The following SPINK1 variants were observed in gnomAD, a reference collection of about 807,000 sequenced individuals.
SPINK1 encodes serine peptidase inhibitor Kazal type 1.
In SPINK1, 5 loss-of-function variants were observed where a neutral mutation model predicts 9.5. That is an observed-to-expected ratio of 0.52 (90% CI 0.27 to 1.10). The LOEUF is 1.10. Ranked by LOEUF, SPINK1 falls within the 50% of genes least tolerant of loss-of-function variation. The pLI, the probability that SPINK1 is intolerant of heterozygous loss-of-function variation, is 0.11. For missense variants in SPINK1, 88 were observed against 92.7 expected (o/e 0.95, Z 0.21); for synonymous variants, 37 against 32.3 (o/e 1.14, Z -0.49).
chr5:147,832,081 T>A (rs985802070), upstream of SPINK1, among the ~76,000 whole-genome samples: 1 of 152,166 alleles, frequency 6.6e-6, no homozygotes, highest in Non-Finnish European at 1.5e-5. Context: ...TTTTCTCTAT[T>A]TTTCCCTCAC....
At chr5:147,834,322 G>A (rs1756559065), upstream of SPINK1, among the ~76,000 whole-genome samples, 3 of 152,020 alleles carry the variant, frequency 2.0e-5, no homozygotes, top group South Asian at 2.1e-4. Flanking sequence ...CGGTGCCTCC[G>A]GTTGAGTAGC....
At chr5:147,827,435 T>C (rs1756428304) in intron 3 of SPINK1, 1 of 152,704 alleles carries the variant, frequency 6.5e-6, no homozygotes, top group African/African-American at 2.4e-5. Context: ...TCTTCTGGCA[T>C]TTGCCCCAAG....
chr5:147,834,886 A>G (rs957823822), upstream of SPINK1, among the ~76,000 whole-genome samples: 1 of 152,172 alleles, frequency 6.6e-6, no homozygotes, highest in Non-Finnish European at 1.5e-5. Context: ...TTGTTAAAAA[A>G]TAAAACAGTC....
upstream of SPINK1, among the ~76,000 whole-genome samples, chr5:147,833,218 G>A (rs1756538885): frequency 6.6e-6 from 1 of 152,172 alleles, no homozygotes; most frequent in South Asian, 2.1e-4. Flanking sequence ...ACATCCAGGA[G>A]GACACTCTGG....
At chr5:147,837,038 A>G in the SPINK1 span, among the ~76,000 whole-genome samples, 1 of 152,192 alleles carries the variant, frequency 6.6e-6, no homozygotes, top group Non-Finnish European at 1.5e-5. Flanking sequence ...GTTCAAACCT[A>G]TGTGTAACTT....
upstream of SPINK1, among the ~76,000 whole-genome samples, chr5:147,836,628 A>T (rs1345425883): frequency 6.6e-6 from 1 of 152,182 alleles, no homozygotes; most frequent in African/African-American, 2.4e-5. Context: ...TGGGCATAGT[A>T]GACTTTAATA....
chr5:147,828,062 T>G lies in SPINK1; in HGVS notation c.154A>C (p.Asn52His). 2 of 1,613,648 alleles carry G rather than the reference T, an allele frequency of 1.2e-6. No individual in the cohort carries two copies. Among genetic ancestry groups the G allele is most frequent in the Non-Finnish European group, 1.7e-6 (2 of 1,179,880 alleles). The change falls in exon 3 of 4, where the codon AAT (asparagine) becomes CAT (histidine). Residue 52 changes from asparagine (N) to histidine (H), a missense_variant. Asn to His is a moderately conservative substitution (Grantham distance 68, BLOSUM62 1). Coordinates refer to ENST00000296695, the MANE Select transcript of SPINK1 (RefSeq NM_001379610.1). ...AACACGCATTCATTGGGATAAGTAT[T>G]TCCATCAGTCCCACAGACAGGGTCA... is the stretch of plus-strand genomic sequence containing the variant. ...IYDPVCGTDG[N>H]TYPNECVLCF...
At position 147,828,097 on chromosome 5, in the gene SPINK1, G is replaced by T; in HGVS notation, c.119C>A (p.Thr40Asn). The T allele has an allele frequency of 6.2e-7, 1 of 1,613,296 alleles. No homozygotes were observed. Among genetic ancestry groups the T allele is most frequent in the Non-Finnish European group, 8.5e-7 (1 of 1,179,748 alleles). The change falls in exon 3 of 4, where the codon ACC becomes AAC. Residue 40 changes from threonine to asparagine, a missense_variant. By Grantham distance (65) the Thr-to-Asn change is moderately conservative (BLOSUM62 0). Transcript: ENST00000296695. ...CCCACAGACAGGGTCATATATCTTG[G>T]TGCATCCATTAAGTTCATTGTAACA... Reference protein sequence around the residue: ...AKCYNELNGCTKIYDPVCGTD... With the variant: ...AKCYNELNGCNKIYDPVCGTD...
upstream of SPINK1, among the ~76,000 whole-genome samples, chr5:147,834,561 T>A (rs1207993381): frequency 6.6e-6 from 1 of 152,136 alleles, no homozygotes; most frequent in Non-Finnish European, 1.5e-5. Context: ...ATTATTTAAA[T>A]AGTAGTTTTG....
Position 147,824,594 on chromosome 5 carries a change from A to G in SPINK1, c.*67T>C. 1 of 1,465,612 alleles carries G rather than the reference A, an allele frequency of 6.8e-7. No homozygotes were observed. Among genetic ancestry groups the G allele is most frequent in the Non-Finnish European group, 9.6e-7 (1 of 1,045,856 alleles). 90.8% of individuals were successfully genotyped at this position (1,465,612 alleles called of 1,614,324 possible). On this transcript the variant is annotated 3_prime_UTR_variant, in exon 4 of 4. Transcript: ENST00000296695. Reference sequence around the variant, plus strand: ...TGGAAACAACAGGGGATATTCAGATACATTTATTCAACAATAAGGCCAGTC... The same window carrying G: ...TGGAAACAACAGGGGATATTCAGATGCATTTATTCAACAATAAGGCCAGTC...
In SPINK1 at chr5:147,831,456, T is replaced by C. The variant is rs954185843; in HGVS notation, c.55+67A>G. On this transcript the variant is annotated intron_variant, in intron 1 of 3. Coordinates refer to ENST00000296695, the MANE Select transcript of SPINK1 (RefSeq NM_001379610.1). The stretch of plus-strand genomic sequence containing the variant: ...TAGACTACATCAAAAGTCTAGAAGA[T>C]AATGTGCTTCACAAAGCAACAGGTC... The C allele has an allele frequency of 2.5e-6, 4 of 1,592,362 alleles. No individual in the cohort carries two copies. In the Admixed American group the frequency reaches 6.7e-5, roughly 27 times the overall value.
At position 147,827,963 on chromosome 5, in the gene SPINK1, C is replaced by T. The variant is rs557728169; in HGVS notation, c.194+59G>A. ...CGGGGTGAGATTCATATTATCAGTACACTTGAAGATAACTAACTTAAAATA... is the reference window on the plus strand; with the variant it reads ...CGGGGTGAGATTCATATTATCAGTATACTTGAAGATAACTAACTTAAAATA... On this transcript the variant is annotated intron_variant, in intron 3 of 3. Transcript: ENST00000296695. 2.3e-6 allele frequency: 3 copies of T among 1,306,354 alleles called. No individual in the cohort carries two copies. In the South Asian group the frequency reaches 3.8e-5, roughly 16 times the overall value. 80.9% of individuals were successfully genotyped at this position (1,306,354 alleles called of 1,614,324 possible).
upstream of SPINK1, among the ~76,000 whole-genome samples, chr5:147,836,194 G>A (rs542975472): frequency 6.6e-6 from 1 of 151,918 alleles, no homozygotes; most frequent in South Asian, 2.1e-4. Flanking sequence ...TTTTAATCCT[G>A]ATATCATTGT....
At chr5:147,837,300 A>T in the SPINK1 span, among the ~76,000 whole-genome samples, 1 of 152,224 alleles carries the variant, frequency 6.6e-6, no homozygotes, top group African/African-American at 2.4e-5. Flanking sequence ...CTGTCAAATG[A>T]GTTACAAAAT....
chr5:147,828,368 T>C (rs1046753052), intron 2 of SPINK1, among the ~76,000 whole-genome samples: 1 of 152,190 alleles, frequency 6.6e-6, no homozygotes, highest in Non-Finnish European at 1.5e-5. Flanking sequence ...ACTCAGTCAG[T>C]TCATCTGCAA....
upstream of SPINK1, among the ~76,000 whole-genome samples, chr5:147,835,784 G>T (rs905041791): frequency 1.3e-5 from 2 of 152,126 alleles, no homozygotes; most frequent in African/African-American, 4.8e-5. Flanking sequence ...AGAAACTAGA[G>T]ATATACAGCT....
At chr5:147,838,865 A>G in the SPINK1 span, among the ~76,000 whole-genome samples, 11 of 152,054 alleles carry the variant, frequency 7.2e-5, no homozygotes, top group Non-Finnish European at 1.2e-4. Context: ...ACGGTTCCCC[A>G]TGGTCTCTCC....
chr5:147,837,239 G>C, the SPINK1 span, among the ~76,000 whole-genome samples: 1 of 152,120 alleles, frequency 6.6e-6, no homozygotes, highest in Non-Finnish European at 1.5e-5. Context: ...TCTGCAAAAC[G>C]TATCATGTAG....
intron 2 of SPINK1, among the ~76,000 whole-genome samples, chr5:147,828,765 A>G (rs941650246): frequency 6.6e-6 from 1 of 152,224 alleles, no homozygotes; most frequent in Admixed American, 6.5e-5. Flanking sequence ...AAAGCAATAA[A>G]ATTAGCCAAG....
Sources: allele counts gnomAD v4.1 joint callset (sites outside exome capture counted in the v4.1 genomes callset), GRCh38; gene constraint gnomAD v4.1.1; transcripts MANE v1.5; gene names NCBI Gene and HGNC (gene_info 2026-07-23, HGNC 2026-07-21).